CALN1: variants seen among roughly 807,000 people sequenced by gnomAD.
The protein encoded by CALN1 is calcium-binding protein 8.
CALN1 carries 17 observed loss-of-function variants against 30.6 expected under a neutral mutation model. That is an observed-to-expected ratio of 0.56 (90% CI 0.38 to 0.83). The LOEUF is 0.83. Ranked by LOEUF, CALN1 falls within the 40% of genes least tolerant of loss-of-function variation. The pLI is 0.00. For missense variants in CALN1, 291 were observed against 354.9 expected, an observed-to-expected ratio of 0.82 and a Z score of 1.45; for synonymous variants, 156 against 131.4, an observed-to-expected ratio of 1.19 and a Z score of -1.28.
chr7:72,071,291 A>C (rs760716697), intron 4 of CALN1, among the ~76,000 whole-genome samples: 3 of 152,180 alleles, frequency 2.0e-5, no homozygotes, highest in African/African-American at 4.8e-5. Context: ...AGAGAGGTGC[A>C]GACAAAGAGG....
At chr7:71,831,960 A>C (rs1299779867) in intron 5 of CALN1, among the ~76,000 whole-genome samples, 2 of 151,972 alleles carry the variant, frequency 1.3e-5, no homozygotes, top group Middle Eastern at 3.2e-3. Flanking sequence ...AAAATATGCA[A>C]AGTAATACAA....
intron 5 of CALN1, among the ~76,000 whole-genome samples, chr7:71,983,577 G>C (rs560676411): frequency 1.1e-4 from 17 of 152,174 alleles, no homozygotes; most frequent in African/African-American, 3.4e-4. Flanking sequence ...TGTTGCCGAG[G>C]TGGGAGTGCA....
chr7:72,202,767 C>T (rs1791532138), intron 3 of CALN1, among the ~76,000 whole-genome samples: 1 of 152,094 alleles, frequency 6.6e-6, no homozygotes, highest in African/African-American at 2.4e-5. Context: ...AAAATATCAC[C>T]TTAGTTCCAC....
At chr7:71,988,320 C>T (rs2129527626) in intron 5 of CALN1, among the ~76,000 whole-genome samples, 1 of 152,274 alleles carries the variant, frequency 6.6e-6, no homozygotes, top group Non-Finnish European at 1.5e-5. Flanking sequence ...TCAGAAGCAG[C>T]CAGTTGGCTC....
upstream of CALN1, among the ~76,000 whole-genome samples, chr7:72,414,982 G>T (rs921032715): frequency 6.6e-6 from 1 of 152,210 alleles, no homozygotes; most frequent in African/African-American, 2.4e-5. Flanking sequence ...AATCCAATTG[G>T]ACTGTGGCTT....
intron 2 of CALN1, among the ~76,000 whole-genome samples, chr7:72,392,930 T>A (rs141966537): frequency 1.7e-3 from 259 of 151,844 alleles, no homozygotes; most frequent in Middle Eastern, 6.9e-3. Flanking sequence ...TCCCAGAAGT[T>A]CAAGGCTGCA....
At chr7:72,326,988 A>G (rs1373648114) in intron 2 of CALN1, among the ~76,000 whole-genome samples, 1 of 152,164 alleles carries the variant, frequency 6.6e-6, no homozygotes, top group African/African-American at 2.4e-5. Flanking sequence ...CCACAAAAGG[A>G]TATGTTTAGT....
intron 3 of CALN1, among the ~76,000 whole-genome samples, chr7:72,258,392 A>T (rs17582005): frequency 0.36 from 54,381 of 152,032 alleles, 10,683 homozygotes; most frequent in Middle Eastern, 0.55. Flanking sequence ...CTTCCTTTAA[A>T]ATCGGAGACA....
chr7:72,297,479 C>G (rs572381928), intron 2 of CALN1, among the ~76,000 whole-genome samples: 1 of 152,134 alleles, frequency 6.6e-6, no homozygotes, highest in Non-Finnish European at 1.5e-5. Flanking sequence ...ACATGCAACT[C>G]CAGACTAATA....
At chr7:72,396,235 T>TTAAAAAAAAA (rs1185933549) in intron 2 of CALN1, among the ~76,000 whole-genome samples, 1 of 53,344 alleles carries the variant, frequency 1.9e-5, no homozygotes, top group African/African-American at 9.0e-5. Context: ...TTGTCTCTAC[T>TTAAAAAAAAA]AAAAAAAAAA....
chr7:71,848,991 T>C (rs1790481762), intron 5 of CALN1, among the ~76,000 whole-genome samples: 1 of 152,214 alleles, frequency 6.6e-6, no homozygotes, highest in Non-Finnish European at 1.5e-5. Flanking sequence ...TAATTTGTTA[T>C]GGTGGCTTTC....
chr7:72,458,166 T>TAA, the CALN1 span, among the ~76,000 whole-genome samples: 52 of 131,660 alleles, frequency 3.9e-4, no homozygotes, highest in South Asian at 8.7e-4. Flanking sequence ...TATATATATT[T>TAA]TATTTTATGT....
In CALN1 at chr7:72,363,087, C is replaced by T. The variant is rs925886014; in HGVS notation, c.119+40164G>A. 5.1e-4 allele frequency among the ~76,000 whole-genome samples: 77 copies of T among 152,180 alleles called. 1 individual carries two copies. Among genetic ancestry groups the T allele is most frequent in the African/African-American group, 1.8e-3 (74 of 41,452 alleles). ...TGTGAAGATTTGTTATACAGGCAAA[C>T]TTACGTCATGGGGGTCTGTCGTACA... On this transcript the variant is annotated intron_variant, in intron 2 of 6. Transcript: ENST00000395275.
chr7:72,173,603 C>G (rs116326032), intron 3 of CALN1, among the ~76,000 whole-genome samples: 161 of 152,216 alleles, frequency 1.1e-3, no homozygotes, highest in African/African-American at 3.8e-3. Flanking sequence ...GATAACTGAA[C>G]AGAATACAGA....
the CALN1 span, among the ~76,000 whole-genome samples, chr7:72,452,497 C>A: frequency 6.6e-6 from 1 of 152,144 alleles, no homozygotes; most frequent in Non-Finnish European, 1.5e-5. Context: ...CTTCTCTCTC[C>A]CTTCCTGACT....
chr7:71,806,979 C>T (rs928584303), intron 6 of CALN1, among the ~76,000 whole-genome samples: 1 of 152,174 alleles, frequency 6.6e-6, no homozygotes, highest in Non-Finnish European at 1.5e-5. Flanking sequence ...GGCATAAGAA[C>T]CTGGTGGTCC....
rs201705644 is a variant in CALN1, at chr7:71,955,995, T to A, written c.501+67662A>T. 5.0e-4 allele frequency among the ~76,000 whole-genome samples: 76 copies of A among 151,942 alleles called. 1 individual carries two copies. The East Asian group carries it at 0.013, about 27-fold the overall frequency. On this transcript the variant is annotated intron_variant, in intron 5 of 6. Transcript: ENST00000395275. ...CTGGGCCATGTATGTTCTGGATTTT[T>A]TTTTTTTTTTGAGATGGAGTCTCAC... is the stretch of plus-strand genomic sequence containing the variant.
chr7:72,349,581 A>G (rs1802819632), intron 2 of CALN1, among the ~76,000 whole-genome samples: 1 of 152,238 alleles, frequency 6.6e-6, no homozygotes, highest in South Asian at 2.1e-4. Flanking sequence ...TTAAGGAACA[A>G]TACAAGCCAA....
intron 3 of CALN1, among the ~76,000 whole-genome samples, chr7:72,194,831 C>T (rs1790878407): frequency 2.0e-5 from 3 of 151,908 alleles, no homozygotes; most frequent in Non-Finnish European, 4.4e-5. Flanking sequence ...ACCTCATGAT[C>T]CATCTGTCTC....
Sources: allele counts gnomAD v4.1 joint callset (sites outside exome capture counted in the v4.1 genomes callset), GRCh38; gene constraint gnomAD v4.1.1; transcripts MANE v1.5; gene names NCBI Gene and HGNC (gene_info 2026-07-23, HGNC 2026-07-21).